Variants in RPL18A observed in about 807,000 individuals in gnomAD.
The protein encoded by RPL18A is ribosomal protein L18a, also known as large ribosomal subunit protein eL20.
For missense variants in RPL18A, 163 were observed against 254.1 expected (o/e 0.64, Z 2.44); for synonymous variants, 122 against 96.9 (o/e 1.26, Z -1.52).
intron 2 of RPL18A, 195 bp downstream of exon 2, chr19:17,861,667 C>T (rs2094277581): frequency 3.4e-6 from 2 of 593,332 alleles, no homozygotes; most frequent in Admixed American, 3.1e-5. Context: ...TGTGCCATTT[C>T]CCTGATTAGA....
chr19:17,860,368 A>C, intron 1 of RPL18A: 1 of 252,410 alleles, frequency 4.0e-6, no homozygotes, highest in Non-Finnish European at 7.6e-6. Flanking sequence ...AAGCAGATGA[A>C]AATTGCTAAC....
intron 1 of RPL18A, chr19:17,860,630 T>C (rs2094275594): frequency 6.6e-6 from 1 of 152,556 alleles, no homozygotes; most frequent in South Asian, 2.0e-4. Flanking sequence ...CTATTTTTCA[T>C]TGATAACTAG....
intron 2 of RPL18A, chr19:17,861,793 G>C (rs1186730694): frequency 1.8e-6 from 1 of 540,928 alleles, no homozygotes; most frequent in Non-Finnish European, 3.3e-6. Flanking sequence ...GTCAGTGGGT[G>C]GTAGCTAGGT....
At chr19:17,862,061 C>A in intron 2 of RPL18A, 33 bp from the exon 3 acceptor site, 2 of 1,607,728 alleles carry the variant, frequency 1.2e-6, no homozygotes, top group South Asian at 1.1e-5. Context: ...CGGCTTGCTG[C>A]TCTCACATCT....
Position 17,859,968 on chromosome 19 carries a change from G to C in RPL18A, c.12G>C (p.Ser4=), listed in dbSNP as rs770543845. The C allele has an allele frequency of 6.5e-7, 1 of 1,535,274 alleles. No individual in the cohort carries two copies. Among genetic ancestry groups the C allele is most frequent in the Admixed American group, 2.0e-5 (1 of 48,854 alleles). Residue 4 remains serine (S), a synonymous_variant, in exon 1 of 5, where the codon TCG becomes TCC. Coordinates refer to ENST00000222247, the MANE Select transcript of RPL18A (RefSeq NM_000980.4). MKA[S]GTLREYKVVG... is the part of the protein sequence containing the mutation. ...GCGGAGAGCACGCCATGAAGGCCTC[G>C]GGCACGGTAAGGCGGGCGCGGCGCG... is the stretch of plus-strand genomic sequence containing the variant.
At chr19:17,862,686 G>C in intron 3 of RPL18A, 1 of 755,228 alleles carries the variant, frequency 1.3e-6, no homozygotes, top group Non-Finnish European at 2.4e-6. Context: ...GGCTGTGGCC[G>C]TGCCCCTCAA....
chr19:17,861,760 T>G (rs1324042129), intron 2 of RPL18A: 7 of 540,926 alleles, frequency 1.3e-5, no homozygotes, highest in Non-Finnish European at 2.0e-5. Flanking sequence ...GTCTGTTAAG[T>G]GAGGAGAGGT....
In RPL18A at chr19:17,862,677, GC is replaced by G. The variant is rs771050496; in HGVS notation, c.329-240del. Reference sequence around the variant, plus strand: ...AAGCGGATCTTGTCGCCTTTGGGGGGCTGTGGCCGTGCCCCTCAAAGTGAAT... The same window carrying G: ...AAGCGGATCTTGTCGCCTTTGGGGGGTGTGGCCGTGCCCCTCAAAGTGAAT... On this transcript the variant is annotated intron_variant, in intron 3 of 4. Coordinates refer to ENST00000222247, the MANE Select transcript of RPL18A (RefSeq NM_000980.4). The G allele has an allele frequency of 2.1e-5, 16 of 753,142 alleles. No individual in the cohort carries two copies. In the African/African-American group the frequency reaches 2.5e-4, roughly 12 times the overall value. The allele number at this position is 753,142 out of a possible 1,614,324, so 46.7% of individuals were successfully genotyped here. A position where few individuals can be genotyped will look rare whatever the true frequency, so the allele number is the denominator to read the frequency against.
In RPL18A at chr19:17,862,985, C is replaced by T. The variant is rs141247185; in HGVS notation, c.396C>T (p.Ile132=). 2,129 of 1,612,336 alleles carry T rather than the reference C, an allele frequency of 1.3e-3. 19 individuals carry two copies. In the African/African-American group the frequency reaches 0.021, roughly 16 times the overall value. The part of the protein sequence containing the change: ...HSIQIMKVEE[I]AASKCRRPAV... The stretch of plus-strand genomic sequence containing the variant: ...TTCAGATCATGAAGGTGGAGGAGAT[C>T]GCGGCCAGCAAGTGCCGCCGGCCGG... The change falls in exon 4 of 5, where the codon ATC becomes ATT. Residue 132 remains isoleucine, a synonymous_variant. Coordinates refer to ENST00000222247, the MANE Select transcript of RPL18A (RefSeq NM_000980.4).
rs539420678 is a variant in RPL18A at position 17,862,739 on chromosome 19, A to C, written c.329-179A>C. On this transcript the variant is annotated intron_variant, in intron 3 of 4. Transcript: ENST00000222247. ...CACAACTCTAGTGGCCAGTGACTGC[A>C]GGGACCCAGGCCTTGGGCTATCTCG... The C allele has an allele frequency of 1.8e-5, 14 of 763,426 alleles. No homozygotes were observed. The African/African-American group carries it at 2.2e-4, about 12-fold the overall frequency. 47.3% of individuals were successfully genotyped at this position (763,426 alleles called of 1,614,324 possible).
At chr19:17,861,256 G>C in intron 1 of RPL18A, 37 bp from the exon 2 acceptor site, 1 of 1,599,542 alleles carries the variant, frequency 6.3e-7, no homozygotes, top group East Asian at 2.2e-5. Flanking sequence ...AGTTGCCTCT[G>C]GGTGCTGGCC....
In RPL18A at chr19:17,860,325, AGT is replaced by A. The variant is rs1371713997; in HGVS notation, c.18+356_18+357del. 2.1e-5 allele frequency: 7 copies of A among 333,156 alleles called. No individual in the cohort carries two copies. The Admixed American group carries it at 3.7e-4, about 17-fold the overall frequency. 20.6% of individuals were successfully genotyped at this position (333,156 alleles called of 1,614,324 possible). The stretch of plus-strand genomic sequence containing the variant: ...AACGTGGACGTGGCGGTAGAGCAAT[AGT>A]GTGTTTTCTTTCTGCCGGAATGGCT... On this transcript the variant is annotated intron_variant, in intron 1 of 4. Transcript: ENST00000222247.
At chr19:17,860,033 C>T (rs2094274233) in intron 1 of RPL18A, 59 bp downstream of exon 1, 4 of 1,428,864 alleles carry the variant, frequency 2.8e-6, no homozygotes, top group South Asian at 2.8e-5. Flanking sequence ...CCATCAGGGG[C>T]CTGCATAAGT....
intron 1 of RPL18A, chr19:17,860,430 A>G (rs1306477727): frequency 6.0e-6 from 1 of 166,136 alleles, no homozygotes; most frequent in Non-Finnish European, 1.3e-5. Context: ...CATACTGGAT[A>G]GAATCAAACG....
At chr19:17,860,256 C>T (rs2094274769) in intron 1 of RPL18A, 1 of 425,236 alleles carries the variant, frequency 2.4e-6, no homozygotes, top group Non-Finnish European at 4.2e-6. Context: ...AGGCCCTAGC[C>T]CCGGCACCTC....
At position 17,861,218 on chromosome 19, in the gene RPL18A, T is replaced by G. The variant is rs11880203; in HGVS notation, c.19-75T>G. On this transcript the variant is annotated intron_variant, in intron 1 of 4. Coordinates refer to ENST00000222247, the MANE Select transcript of RPL18A (RefSeq NM_000980.4). ...TTCCCGAATCTGTGGTCACTAGATG[T>G]AGGAAAGGGAGTGAGGTGGATCTCC... is the stretch of plus-strand genomic sequence containing the variant. The G allele has an allele frequency of 5.1e-3, 7,133 of 1,385,416 alleles. 325 individuals are homozygous for G. The African/African-American group carries it at 0.091, about 18-fold the overall frequency. 85.8% of individuals were successfully genotyped at this position (1,385,416 alleles called of 1,614,324 possible).
rs1203395580 is a variant in RPL18A at position 17,862,112 on chromosome 19, C to T, written c.217C>T (p.Leu73=). 6.2e-7 allele frequency: 1 copy of T among 1,612,150 alleles called. No individual in the cohort carries two copies. Among genetic ancestry groups the T allele is most frequent in the Non-Finnish European group, 8.5e-7 (1 of 1,179,906 alleles). ...YCGQVFEKSP[L]RVKNFGIWLR... ...TTGGCAGGTGTTTGAGAAGTCCCCC[C>T]TGCGGGTGAAGAACTTCGGGATCTG... The change falls in exon 3 of 5, where the codon CTG becomes TTG. Residue 73 remains leucine, a synonymous_variant. Coordinates refer to ENST00000222247, the MANE Select transcript of RPL18A (RefSeq NM_000980.4).
At chr19:17,860,251 C>G (rs989211037) in intron 1 of RPL18A, 1 of 434,908 alleles carries the variant, frequency 2.3e-6, no homozygotes, top group Admixed American at 4.5e-5. Flanking sequence ...CATAGAGGCC[C>G]TAGCCCCGGC....
intron 1 of RPL18A, 50 bp downstream of exon 1, chr19:17,860,024 C>T (rs1416765454): frequency 6.9e-7 from 1 of 1,459,622 alleles, no homozygotes; most frequent in East Asian, 2.9e-5. Flanking sequence ...GCACGGGCCC[C>T]ATCAGGGGCC....
Sources: gnomAD v4.1 joint callset for allele counts on GRCh38, gnomAD v4.1.1 for gene constraint, MANE v1.5 for transcripts, NCBI Gene and HGNC (gene_info 2026-07-23, HGNC 2026-07-21) for gene names.